CNTNAP2: variants seen among roughly 807,000 people sequenced by gnomAD.
The protein encoded by CNTNAP2 is contactin associated protein 2.
A neutral mutation model predicts 155.2 loss-of-function variants in CNTNAP2; 98 were observed. That is an observed-to-expected ratio of 0.63 (90% CI 0.54 to 0.75). The LOEUF (loss-of-function observed/expected upper bound fraction) is 0.75. CNTNAP2 is among the 30% of genes least tolerant of loss of function. The probability of loss-of-function intolerance (pLI) is 0.00; values close to 1 mark genes in which losing one functional copy is unlikely to be tolerated. For synonymous variants in CNTNAP2, 651 were observed against 631.2 expected, an observed-to-expected ratio of 1.03 and a Z score of -0.47; for missense variants, 1,727 against 1,688.1, an observed-to-expected ratio of 1.02 and a Z score of -0.40.
chr7:148,043,830 G>A (rs909544719), intron 15 of CNTNAP2, among the ~76,000 whole-genome samples: 1 of 152,042 alleles, frequency 6.6e-6, no homozygotes, highest in African/African-American at 2.4e-5. Context: ...CTTTTCACTA[G>A]GCCAAATACT....
chr7:147,752,633 A>G (rs1206326382), intron 13 of CNTNAP2, among the ~76,000 whole-genome samples: 2 of 152,160 alleles, frequency 1.3e-5, no homozygotes, highest in African/African-American at 4.8e-5. Context: ...GAAAAGGTAG[A>G]TATTTGAAGT....
At chr7:146,184,034 G>T (rs996578180) in intron 1 of CNTNAP2, among the ~76,000 whole-genome samples, 3 of 152,100 alleles carry the variant, frequency 2.0e-5, no homozygotes, top group Non-Finnish European at 2.9e-5. Context: ...CCTTGTGAAG[G>T]CTACCTATTT....
intron 13 of CNTNAP2, among the ~76,000 whole-genome samples, chr7:147,766,604 C>T (rs192661975): frequency 4.6e-5 from 7 of 152,152 alleles, no homozygotes; most frequent in African/African-American, 1.4e-4. Flanking sequence ...TTTAGTGTGC[C>T]TATGGTCAGT....
chr7:147,343,595 T>C (rs116629915), intron 9 of CNTNAP2, among the ~76,000 whole-genome samples: 2,515 of 152,304 alleles, frequency 0.017, 83 homozygotes, highest in African/African-American at 0.057. Context: ...CTTTACTAAG[T>C]GTTAAATTAG....
At chr7:146,456,258 T>A (rs1796553372) in intron 1 of CNTNAP2, among the ~76,000 whole-genome samples, 1 of 152,202 alleles carries the variant, frequency 6.6e-6, no homozygotes, top group Non-Finnish European at 1.5e-5. Context: ...TGTATATATG[T>A]ATTTTAATGT....
At chr7:146,607,715 C>T (rs563571566) in intron 1 of CNTNAP2, among the ~76,000 whole-genome samples, 6 of 152,050 alleles carry the variant, frequency 3.9e-5, no homozygotes, top group Admixed American at 6.6e-5. Flanking sequence ...TGGGCTCAAG[C>T]GATCCTCCTG....
chr7:147,188,035 A>G (rs1011194416), intron 8 of CNTNAP2, among the ~76,000 whole-genome samples: 7 of 152,194 alleles, frequency 4.6e-5, no homozygotes, highest in Non-Finnish European at 8.8e-5. Flanking sequence ...CACTCCAGCC[A>G]GGGTGACCAA....
At chr7:147,478,704 G>C (rs978356685) in intron 10 of CNTNAP2, among the ~76,000 whole-genome samples, 3 of 152,192 alleles carry the variant, frequency 2.0e-5, no homozygotes, top group Admixed American at 2.0e-4. Flanking sequence ...GCTTCATCCA[G>C]ACATTGCACA....
intron 1 of CNTNAP2, among the ~76,000 whole-genome samples, chr7:146,531,341 A>G (rs1323778895): frequency 6.6e-6 from 1 of 152,132 alleles, no homozygotes; most frequent in Non-Finnish European, 1.5e-5. Flanking sequence ...TACATATGTA[A>G]CAAACCTGTA....
intron 12 of CNTNAP2, among the ~76,000 whole-genome samples, chr7:147,606,354 G>A (rs903011608): frequency 1.3e-5 from 2 of 152,102 alleles, no homozygotes; most frequent in Non-Finnish European, 2.9e-5. Context: ...GCTAAGGAAC[G>A]GATTTATTTT....
At chr7:147,932,484 T>G (rs1204832627) in intron 14 of CNTNAP2, among the ~76,000 whole-genome samples, 1 of 152,204 alleles carries the variant, frequency 6.6e-6, no homozygotes, top group Non-Finnish European at 1.5e-5. Flanking sequence ...CAATAAATAG[T>G]GTTGGGGCAT....
intron 8 of CNTNAP2, among the ~76,000 whole-genome samples, chr7:147,221,597 C>A (rs1187147319): frequency 1.3e-5 from 2 of 152,128 alleles, no homozygotes; most frequent in Non-Finnish European, 2.9e-5. Flanking sequence ...AGTCCTGGCT[C>A]TTGTCAAGGC....
chr7:147,256,593 A>G (rs1467728689), intron 8 of CNTNAP2, among the ~76,000 whole-genome samples: 4 of 152,156 alleles, frequency 2.6e-5, no homozygotes, highest in Non-Finnish European at 4.4e-5. Flanking sequence ...AGGTAGAACA[A>G]TAGAAAATAG....
intron 9 of CNTNAP2, among the ~76,000 whole-genome samples, chr7:147,332,587 A>C (rs1404403255): frequency 6.6e-6 from 1 of 152,124 alleles, no homozygotes; most frequent in Non-Finnish European, 1.5e-5. Flanking sequence ...TATCAGGTCG[A>C]GCATGGTGGC....
intron 8 of CNTNAP2, among the ~76,000 whole-genome samples, chr7:147,243,271 C>T (rs900931846): frequency 1.8e-4 from 28 of 152,042 alleles, no homozygotes; most frequent in African/African-American, 5.1e-4. Flanking sequence ...GTTGGGATTA[C>T]AGGTGTGAGC....
intron 3 of CNTNAP2, among the ~76,000 whole-genome samples, chr7:146,914,197 TTGAC>T (rs1037284186): frequency 3.6e-4 from 55 of 152,226 alleles, no homozygotes; most frequent in African/African-American, 1.1e-3. Flanking sequence ...TATCCACTCT[TTGAC>T]TGGTGGGCAT....
chr7:147,834,008 C>T (rs1352540713), intron 13 of CNTNAP2, among the ~76,000 whole-genome samples: 1 of 152,162 alleles, frequency 6.6e-6, no homozygotes, highest in Non-Finnish European at 1.5e-5. Context: ...CTGAAAGACA[C>T]CTCAAAGGAA....
intron 3 of CNTNAP2, among the ~76,000 whole-genome samples, chr7:146,971,158 GTAAC>G (rs1375751692): frequency 1.1e-4 from 17 of 151,736 alleles, no homozygotes; most frequent in Non-Finnish European, 2.2e-4. Context: ...GTATACATAT[GTAAC>G]TAACCTGCAC....
At chr7:147,758,013 C>T (rs1797241475) in intron 13 of CNTNAP2, among the ~76,000 whole-genome samples, 1 of 152,110 alleles carries the variant, frequency 6.6e-6, no homozygotes, top group South Asian at 2.1e-4. Flanking sequence ...AATAGAAAAA[C>T]TGTGATGAAA....
Sources: allele counts gnomAD v4.1 joint callset (sites outside exome capture counted in the v4.1 genomes callset), GRCh38; gene constraint gnomAD v4.1.1; transcripts MANE v1.5; gene names NCBI Gene and HGNC (gene_info 2026-07-23, HGNC 2026-07-21).